The following STX11 variants were observed in gnomAD, a reference collection of about 807,000 sequenced individuals.
STX11 encodes syntaxin-11.
Under a neutral mutation model 19.9 loss-of-function variants are expected in STX11, and 21 were observed. The observed-to-expected ratio is 1.06, with a 90% confidence interval of 0.75 to 1.52. STX11 has a LOEUF of 1.52. Among genes scored for constraint, STX11 ranks in the 40% most tolerant of loss-of-function variants. The pLI is 0.00. For missense variants in STX11, 438 were observed against 405.9 expected, an observed-to-expected ratio of 1.08 and a Z score of -0.68; for synonymous variants, 193 against 174.4, an observed-to-expected ratio of 1.11 and a Z score of -0.84.
chr6:144,163,482 A>T (rs1054561393), intron 1 of STX11, among the ~76,000 whole-genome samples: 1 of 151,214 alleles, frequency 6.6e-6, no homozygotes, highest in Admixed American at 6.6e-5. Context: ...TTTTTTTTTT[A>T]ATTTTTGTTT....
At chr6:144,157,673 C>T (rs1037140483) in intron 1 of STX11, among the ~76,000 whole-genome samples, 2 of 151,932 alleles carry the variant, frequency 1.3e-5, no homozygotes, top group African/African-American at 4.8e-5. Context: ...GAGAGTAGGC[C>T]GTGGTGAGGG....
In STX11 at chr6:144,157,262, GATTGTTGTTCAGA is replaced by G. The variant is rs1801196133; in HGVS notation, c.-6+6566_-6+6578del. ...CAACAGGGAGGAGCTTGGAAGCTGG[GATTGTTGTTCAGA>G]ATTGTTCTGCCTCCTGAGGCAAGAG... On this transcript the variant is annotated intron_variant, in intron 1 of 1. Coordinates refer to ENST00000367568, the MANE Select transcript of STX11 (RefSeq NM_003764.4). Among the ~76,000 whole-genome samples the G allele has an allele frequency of 2.0e-5, 3 of 152,212 alleles. No individual in the cohort carries two copies. In the South Asian group the frequency reaches 6.2e-4, roughly 31 times the overall value.
At chr6:144,158,373 C>A (rs1175561293) in intron 1 of STX11, among the ~76,000 whole-genome samples, 2 of 152,192 alleles carry the variant, frequency 1.3e-5, no homozygotes, top group African/African-American at 4.8e-5. Context: ...AGAGTGGTGT[C>A]CCTGGCTTGG....
the STX11 span, among the ~76,000 whole-genome samples, chr6:144,144,935 C>A: frequency 0.2 from 30,563 of 152,096 alleles, 3,758 homozygotes; most frequent in South Asian, 0.36. Flanking sequence ...AACCCTTGGG[C>A]ATTGCAGGTA....
chr6:144,146,616 C>T (rs117324977), upstream of STX11, among the ~76,000 whole-genome samples: 765 of 152,202 alleles, frequency 5.0e-3, 6 homozygotes, highest in East Asian at 0.042. The surrounding 1 kb of genome is among the most constrained non-coding windows in gnomAD (Gnocchi z 4.4). Flanking sequence ...CCAGCTCTTG[C>T]TTTTAATTTC....
intron 1 of STX11, among the ~76,000 whole-genome samples, chr6:144,156,040 TTCCTTCCTTCCCC>T (rs775465033): frequency 1.5e-5 from 2 of 129,572 alleles, no homozygotes; most frequent in Admixed American, 7.8e-5. Flanking sequence ...CCTTCCTTCC[TTCCTTCCTTCCCC>T]TCCCCTCCCC....
chr6:144,160,635 T>C lies in STX11; in HGVS notation c.-6+9932T>C, dbSNP rs1307014640. On this transcript the variant is annotated intron_variant, in intron 1 of 1. Transcript: ENST00000367568. The surrounding 1 kb of genome is among the most constrained non-coding windows in gnomAD (Gnocchi z 4.3). ...TTAAGTACTAAGAATACCAAACATT[T>C]GGCTGATTGCAGGGAGGGAGGGATT... 1.3e-5 allele frequency among the ~76,000 whole-genome samples: 2 copies of C among 152,152 alleles called. No homozygotes were observed. The highest frequency in any genetic ancestry group is 4.8e-5 in the African/African-American group (2 of 41,432).
In STX11 at chr6:144,175,859, T is replaced by C. The variant is rs1179639705; in HGVS notation, c.-5-10764T>C. ...GCAGTCAGAGGCCAAAGGGTCTCGT[T>C]AGTGACCGATAAAGACAAGGTTGGA... On this transcript the variant is annotated intron_variant, in intron 1 of 1. Coordinates refer to ENST00000367568, the MANE Select transcript of STX11 (RefSeq NM_003764.4). This position sits in a 1 kb window ranked among gnomAD's most constrained non-coding sequence, Gnocchi z 5.1. Among the ~76,000 whole-genome samples the C allele has an allele frequency of 1.3e-5, 2 of 152,318 alleles. No individual in the cohort carries two copies. The highest frequency in any genetic ancestry group is 3.9e-4 in the East Asian group (2 of 5,184).
chr6:144,145,765 GA>G (rs908187239), upstream of STX11, among the ~76,000 whole-genome samples: 2 of 151,940 alleles, frequency 1.3e-5, no homozygotes, highest in African/African-American at 2.4e-5. Context: ...TGTTAGTAAA[GA>G]AAAAAAAGTA....
In STX11 at chr6:144,187,412, A is replaced by G. The variant is rs772953718; in HGVS notation, c.785A>G (p.Gln262Arg). The G allele has an allele frequency of 6.2e-7, 1 of 1,611,642 alleles. No homozygotes were observed. Among genetic ancestry groups the G allele is most frequent in the South Asian group, 1.1e-5 (1 of 91,086 alleles). The change falls in exon 2 of 2, where the codon CAG becomes CGG. Residue 262 changes from glutamine (Q) to arginine (R), a missense_variant. Gln to Arg is a conservative substitution (Grantham distance 43). Coordinates refer to ENST00000367568, the MANE Select transcript of STX11 (RefSeq NM_003764.4). This position sits in a 1 kb window ranked among gnomAD's most constrained non-coding sequence, Gnocchi z 5.6. ...GACTACACCGGCCAGGCCAAGGCGC[A>G]GGTGCGGAAGGCCGTGCAGTACGAG... Reference protein sequence around the residue: ...TVDYTGQAKAQVRKAVQYEEK... With the variant: ...TVDYTGQAKARVRKAVQYEEK...
At chr6:144,145,499 A>AT in the STX11 span, among the ~76,000 whole-genome samples, 3 of 152,238 alleles carry the variant, frequency 2.0e-5, no homozygotes, top group Non-Finnish European at 4.4e-5. Flanking sequence ...TAGAATCAAC[A>AT]TAAGTGTTCA....
rs1392790495 is a variant in STX11, at chr6:144,177,576, A to G, written c.-5-9047A>G. On this transcript the variant is annotated intron_variant, in intron 1 of 1. Coordinates refer to ENST00000367568, the MANE Select transcript of STX11 (RefSeq NM_003764.4). The surrounding 1 kb of genome is among the most constrained non-coding windows in gnomAD (Gnocchi z 4.4). ...AACCTGGCCAATATAGTGAAACCCC[A>G]TCTCTACTAAAAACACACAAAAAAT... 6.6e-6 allele frequency among the ~76,000 whole-genome samples: 1 copy of G among 152,104 alleles called. No homozygotes were observed. The highest frequency in any genetic ancestry group is 2.4e-5 in the African/African-American group (1 of 41,422).
intron 1 of STX11, among the ~76,000 whole-genome samples, chr6:144,185,347 T>G (rs1229905461): frequency 6.6e-6 from 1 of 152,222 alleles, no homozygotes; most frequent in African/African-American, 2.4e-5. Flanking sequence ...GCGTAACCAT[T>G]AAGTGTTACT....
chr6:144,144,717 T>C, the STX11 span, among the ~76,000 whole-genome samples: 12 of 152,230 alleles, frequency 7.9e-5, no homozygotes, highest in Non-Finnish European at 1.8e-4. Flanking sequence ...TATGTGGCTA[T>C]GGTAAAGTAC....
rs1163849765 is a variant in STX11 at position 144,154,186 on chromosome 6, A to ATG, written c.-6+3486_-6+3487dup. On this transcript the variant is annotated intron_variant, in intron 1 of 1. Transcript: ENST00000367568. The surrounding 1 kb of genome is among the most constrained non-coding windows in gnomAD (Gnocchi z 4.7). ...TTGCATTCTGAAGCACCCTGCTGTG[A>ATG]TGTGCTGTCTTGATGAATGAATCAA... Among the ~76,000 whole-genome samples the ATG allele has an allele frequency of 6.6e-6, 1 of 152,178 alleles. No homozygotes were observed. Among genetic ancestry groups the ATG allele is most frequent in the African/African-American group, 2.4e-5 (1 of 41,440 alleles).
At chr6:144,141,290 A>G in the STX11 span, among the ~76,000 whole-genome samples, 2 of 152,372 alleles carry the variant, frequency 1.3e-5, no homozygotes, top group African/African-American at 4.8e-5. Context: ...AGTACATATC[A>G]AACTTCAGGC....
rs534299879 is a variant in STX11 at position 144,184,873 on chromosome 6, A to G, written c.-5-1750A>G. ...TAGCTTAGAAATATATATATTAAGT[A>G]TCTTAACCTCTTGTCTGTCATATAT... On this transcript the variant is annotated intron_variant, in intron 1 of 1. Transcript: ENST00000367568. This position sits in a 1 kb window ranked among gnomAD's most constrained non-coding sequence, Gnocchi z 6.5. 1.5e-3 allele frequency among the ~76,000 whole-genome samples: 225 copies of G among 152,276 alleles called. 3 individuals are homozygous for G. Among genetic ancestry groups the G allele is most frequent in the Non-Finnish European group, 2.9e-3 (196 of 68,016 alleles).
At position 144,176,797 on chromosome 6, in the gene STX11, G is replaced by A. The variant is rs1801789136; in HGVS notation, c.-5-9826G>A. On this transcript the variant is annotated intron_variant, in intron 1 of 1. Transcript: ENST00000367568. The surrounding 1 kb of genome is among the most constrained non-coding windows in gnomAD (Gnocchi z 4.1). The stretch of plus-strand genomic sequence containing the variant: ...GCCCTGTTTTTTAAAAAGCAAGGAA[G>A]TGTGTCCAGGCATTTTAGAAGAGGA... Among the ~76,000 whole-genome samples, 1 of 152,178 alleles carries A rather than the reference G, an allele frequency of 6.6e-6. No homozygotes were observed. The highest frequency in any genetic ancestry group is 2.1e-4 in the South Asian group (1 of 4,834).
rs1169749250 is a variant in STX11 at position 144,153,828 on chromosome 6, T to G, written c.-6+3125T>G. Among the ~76,000 whole-genome samples the G allele has an allele frequency of 2.0e-5, 3 of 152,078 alleles. No homozygotes were observed. Among genetic ancestry groups the G allele is most frequent in the African/African-American group, 7.2e-5 (3 of 41,404 alleles). Reference sequence around the variant, plus strand: ...AGGAGGTAGGAGCAGTTGAGATGACTCCCATGTTTCTAATGAATGACTAGG... The same window carrying G: ...AGGAGGTAGGAGCAGTTGAGATGACGCCCATGTTTCTAATGAATGACTAGG... On this transcript the variant is annotated intron_variant, in intron 1 of 1. Coordinates refer to ENST00000367568, the MANE Select transcript of STX11 (RefSeq NM_003764.4). The surrounding 1 kb of genome is among the most constrained non-coding windows in gnomAD (Gnocchi z 5.0).
Sources: gnomAD v4.1 joint callset for allele counts (sites outside exome capture counted in the v4.1 genomes callset) on GRCh38, gnomAD v4.1.1 for gene constraint, Gnocchi (gnomAD v3.1) non-coding constraint, MANE v1.5 for transcripts, NCBI Gene and HGNC (gene_info 2026-07-23, HGNC 2026-07-21) for gene names.